MEAF6: variants seen among roughly 807,000 people sequenced by gnomAD.
MEAF6 encodes MYST/Esa1 associated factor 6, also known as chromatin modification-related protein MEAF6.
A neutral mutation model predicts 28.9 loss-of-function variants in MEAF6; 15 were observed. That is an observed-to-expected ratio of 0.52 (90% confidence interval 0.35 to 0.80). The LOEUF is 0.80. Among genes scored for constraint, MEAF6 ranks in the 30% least tolerant of loss-of-function variants. The probability of loss-of-function intolerance (pLI) is 0.01; values close to 1 mark genes in which losing one functional copy is unlikely to be tolerated. For missense variants in MEAF6, 178 were observed against 237.5 expected, an observed-to-expected ratio of 0.75 and a Z score of 1.65; for synonymous variants, 97 against 88.7, an observed-to-expected ratio of 1.09 and a Z score of -0.53.
intron 4 of MEAF6, 93 bp from the exon 5 acceptor site, chr1:37,502,089 C>A: frequency 1.8e-5 from 18 of 1,020,918 alleles, no homozygotes; most frequent in Non-Finnish European, 2.5e-5. Context: ...TAGAAAAAAA[C>A]CATTCCCTAT....
chr1:37,504,820 CACACACAT>C (rs1321670003), intron 4 of MEAF6, among the ~76,000 whole-genome samples: 1 of 149,928 alleles, frequency 6.7e-6, no homozygotes, highest in Non-Finnish European at 1.5e-5. Context: ...CACACACACA[CACACACAT>C]TATCTATTTC....
chr1:37,510,190 C>T (rs774633286), intron 2 of MEAF6, among the ~76,000 whole-genome samples: 5 of 151,812 alleles, frequency 3.3e-5, no homozygotes, highest in East Asian at 1.9e-4. Context: ...GATTCTCCTG[C>T]CTCAGCCTCC....
intron 1 of MEAF6, 25 bp from the exon 2 acceptor site, chr1:37,513,563 G>T: frequency 6.6e-7 from 1 of 1,525,710 alleles, no homozygotes; most frequent in South Asian, 1.1e-5. Flanking sequence ...ACAAGGACAT[G>T]AATGATACCT....
intron 4 of MEAF6, among the ~76,000 whole-genome samples, chr1:37,507,971 T>C (rs553572932): frequency 2.0e-5 from 3 of 152,286 alleles, no homozygotes; most frequent in Admixed American, 1.3e-4. Flanking sequence ...CATATCATTG[T>C]ACCAATGCCA....
chr1:37,498,980 T>A (rs1384835021), intron 5 of MEAF6, among the ~76,000 whole-genome samples: 1 of 151,848 alleles, frequency 6.6e-6, no homozygotes, highest in Non-Finnish European at 1.5e-5. Context: ...CAAAACCCCA[T>A]CTCTACAAAA....
chr1:37,498,821 T>G (rs760120234), intron 5 of MEAF6, among the ~76,000 whole-genome samples: 56 of 152,086 alleles, frequency 3.7e-4, no homozygotes, highest in Non-Finnish European at 7.1e-4. Flanking sequence ...TTCAGAACAA[T>G]GTGATCACTT....
intron 6 of MEAF6, 53 bp from the exon 7 acceptor site, chr1:37,494,160 G>C: frequency 6.7e-7 from 1 of 1,490,292 alleles, no homozygotes; most frequent in African/African-American, 1.4e-5. Flanking sequence ...ACAGTTGTTT[G>C]ACCCTAAAGG....
At chr1:37,514,518 C>T in intron 1 of MEAF6, 139 bp downstream of exon 1, 1 of 501,772 alleles carries the variant, frequency 2.0e-6, no homozygotes, top group Non-Finnish European at 3.1e-6. Flanking sequence ...AATGCGCACC[C>T]GGCCTCAGGC....
rs1243359509 is a variant in MEAF6 at position 37,509,336 on chromosome 1, C to A, written c.295-13G>T. 8 of 1,613,836 alleles carry A rather than the reference C, an allele frequency of 5.0e-6. No individual in the cohort carries two copies. The highest frequency in any genetic ancestry group is 1.7e-5 in the Admixed American group (1 of 60,004). ...ATGCACTTACTGCCTAAAAGAAAAG[C>A]CACCAGTTACTAGAAAAGTGACCAC... On this transcript the variant is annotated splice_polypyrimidine_tract_variant and intron_variant, in intron 3 of 6. Coordinates refer to ENST00000296214, the MANE Select transcript of MEAF6 (RefSeq NM_001270875.3).
intron 4 of MEAF6, among the ~76,000 whole-genome samples, chr1:37,505,041 G>A (rs1642437623): frequency 1.3e-5 from 2 of 151,966 alleles, no homozygotes; most frequent in Non-Finnish European, 2.9e-5. Flanking sequence ...CCACCACCAT[G>A]CCCGGCTCAT....
rs556195955 is a variant in MEAF6 at position 37,512,357 on chromosome 1, A to T, written c.206+1066T>A. Among the ~76,000 whole-genome samples the T allele has an allele frequency of 3.1e-4, 47 of 152,318 alleles. 2 individuals are homozygous for T. The South Asian group carries it at 8.9e-3, about 29-fold the overall frequency. ...TGAATCTATAATTATTTCACAATTT[A>T]AAAATGTGAAATGTAAATATAGATG... On this transcript the variant is annotated intron_variant, in intron 2 of 6. Coordinates refer to ENST00000296214, the MANE Select transcript of MEAF6 (RefSeq NM_001270875.3).
intron 5 of MEAF6, 86 bp downstream of exon 5, chr1:37,501,718 A>C: frequency 7.9e-7 from 1 of 1,270,128 alleles, no homozygotes; most frequent in Non-Finnish European, 1.1e-6. Flanking sequence ...AAGAGTCTGC[A>C]GCAATCCTAA....
At chr1:37,511,171 CA>C (rs1386510689) in intron 2 of MEAF6, among the ~76,000 whole-genome samples, 3 of 152,134 alleles carry the variant, frequency 2.0e-5, no homozygotes, top group East Asian at 1.9e-4. Context: ...ACAAAAAATG[CA>C]AAAGGTAAGT....
intron 2 of MEAF6, among the ~76,000 whole-genome samples, chr1:37,510,302 C>T (rs530073236): frequency 1.3e-3 from 194 of 149,540 alleles, no homozygotes; most frequent in African/African-American, 4.5e-3. Flanking sequence ...TGGCTGGTCT[C>T]GAACTCCTGA....
intron 6 of MEAF6, among the ~76,000 whole-genome samples, chr1:37,494,804 C>T (rs1432824497): frequency 1.3e-5 from 2 of 151,816 alleles, no homozygotes; most frequent in African/African-American, 2.4e-5. Context: ...GCACTCTAGC[C>T]TGGGTGACAG....
chr1:37,512,917 G>A (rs1040028898), intron 2 of MEAF6, among the ~76,000 whole-genome samples: 2 of 151,930 alleles, frequency 1.3e-5, no homozygotes, highest in African/African-American at 4.8e-5. Flanking sequence ...GTGGCCAGGC[G>A]TGGTGGCTCA....
intron 5 of MEAF6, chr1:37,496,815 A>G (rs1222248199): frequency 1.5e-5 from 22 of 1,440,160 alleles, no homozygotes; most frequent in East Asian, 2.6e-5. Context: ...TAGCCACCCT[A>G]GCAAGAATTG....
intron 5 of MEAF6, among the ~76,000 whole-genome samples, chr1:37,500,396 A>C (rs1642262095): frequency 6.6e-6 from 1 of 152,242 alleles, no homozygotes; most frequent in African/African-American, 2.4e-5. Context: ...ATTTTTAAGA[A>C]TATATTTCTC....
Position 37,502,007 on chromosome 1 carries a change from TA to T in MEAF6, c.341-12del. 1 of 1,586,678 alleles carries T rather than the reference TA, an allele frequency of 6.3e-7. No individual in the cohort carries two copies. Among genetic ancestry groups the T allele is most frequent in the Non-Finnish European group, 8.6e-7 (1 of 1,160,364 alleles). ...CACTTCCTGGCTCCCCTGAAGGAAA[TA>T]AAACACAAGTTTCCAAATGCATCAT... On this transcript the variant is annotated splice_polypyrimidine_tract_variant and intron_variant, in intron 4 of 6. Coordinates refer to ENST00000296214, the MANE Select transcript of MEAF6 (RefSeq NM_001270875.3).
Sources: allele counts gnomAD v4.1 joint callset (sites outside exome capture counted in the v4.1 genomes callset), GRCh38; gene constraint gnomAD v4.1.1; transcripts MANE v1.5; gene names NCBI Gene and HGNC (gene_info 2026-07-23, HGNC 2026-07-21).